Variants in RBM27 observed in about 807,000 individuals in gnomAD.
RBM27 encodes RNA binding motif protein 27.
In RBM27, 22 loss-of-function variants were observed where a neutral mutation model predicts 135.3. The observed-to-expected ratio is 0.16, with a 90% CI of 0.12 to 0.23. RBM27 has a LOEUF of 0.23. Among genes scored for constraint, RBM27 ranks in the 10% least tolerant of loss-of-function variants. RBM27 has a pLI of 1.00. For missense variants in RBM27, 1,009 were observed against 1,281.0 expected (o/e 0.79, Z 3.24); for synonymous variants, 481 against 442.4 (o/e 1.09, Z -1.10).
At chr5:146,239,074 C>A (rs113581630) in intron 8 of RBM27, among the ~76,000 whole-genome samples, 7 of 152,302 alleles carry the variant, frequency 4.6e-5, no homozygotes, top group African/African-American at 1.7e-4. Context: ...CTTCTTAAAT[C>A]TGTACCTTCT....
intron 19 of RBM27, among the ~76,000 whole-genome samples, chr5:146,281,928 A>G (rs1759369405): frequency 6.6e-6 from 1 of 151,480 alleles, no homozygotes; most frequent in Admixed American, 6.6e-5. Context: ...TCATGTTTTT[A>G]CATGTAACAT....
At chr5:146,210,680 G>A (rs1280592613) in intron 1 of RBM27, among the ~76,000 whole-genome samples, 1 of 152,232 alleles carries the variant, frequency 6.6e-6, no homozygotes, top group African/African-American at 2.4e-5. Context: ...GGGCACGGTG[G>A]CTCATGCCTG....
chr5:146,230,588 T>C (rs1331092458), intron 5 of RBM27, 69 bp from the exon 6 acceptor site: 7 of 1,486,484 alleles, frequency 4.7e-6, no homozygotes, highest in Non-Finnish European at 4.6e-6. Flanking sequence ...TGTGAGAAAA[T>C]AAATATAGTT....
intron 18 of RBM27, 104 bp downstream of exon 18, chr5:146,271,162 A>C: frequency 1.3e-6 from 1 of 788,720 alleles, no homozygotes. Flanking sequence ...GCACTTTGGG[A>C]GGCCGAGGCG....
chr5:146,271,414 A>G (rs1035032889), intron 18 of RBM27, 69 bp from the exon 19 acceptor site: 1 of 1,407,040 alleles, frequency 7.1e-7, no homozygotes, highest in Non-Finnish European at 9.6e-7. Flanking sequence ...AAAAAAAAAA[A>G]AGTTTTCCTT....
intron 1 of RBM27, among the ~76,000 whole-genome samples, chr5:146,217,667 T>A (rs939504477): frequency 6.6e-6 from 1 of 151,836 alleles, no homozygotes; most frequent in Non-Finnish European, 1.5e-5. Flanking sequence ...ACAAGATTAG[T>A]TAGATTTGAA....
chr5:146,260,681 G>C, intron 11 of RBM27, 64 bp from the exon 12 acceptor site: 1 of 1,401,726 alleles, frequency 7.1e-7, no homozygotes, highest in South Asian at 1.5e-5. Context: ...ATTCTTTGTG[G>C]TTATATCTCT....
intron 14 of RBM27, 37 bp downstream of exon 14, chr5:146,263,668 C>G (rs769697274): frequency 1.9e-6 from 3 of 1,602,450 alleles, no homozygotes; most frequent in East Asian, 4.5e-5. Context: ...TATTTAGAAT[C>G]ATTCAGTGAA....
At chr5:146,250,988 G>C (rs186614672) in intron 8 of RBM27, among the ~76,000 whole-genome samples, 1 of 151,784 alleles carries the variant, frequency 6.6e-6, no homozygotes, top group East Asian at 1.9e-4. Flanking sequence ...TCTTGGCCAG[G>C]CTGGTCTTGA....
At chr5:146,218,379 G>A (rs1318020825) in intron 1 of RBM27, among the ~76,000 whole-genome samples, 1 of 152,126 alleles carries the variant, frequency 6.6e-6, no homozygotes, top group Non-Finnish European at 1.5e-5. Flanking sequence ...TTTCCTTTCT[G>A]TTTCTAACTC....
intron 16 of RBM27, 52 bp downstream of exon 16, chr5:146,269,333 T>G: frequency 6.7e-7 from 1 of 1,501,844 alleles, no homozygotes; most frequent in Non-Finnish European, 9.1e-7. Flanking sequence ...TAGAATTGAT[T>G]TTAAAAGTAT....
chr5:146,211,786 A>G (rs962318234), intron 1 of RBM27, among the ~76,000 whole-genome samples: 6 of 152,194 alleles, frequency 3.9e-5, no homozygotes, highest in East Asian at 1.9e-4. Flanking sequence ...CAAAGGGATA[A>G]TCTGAACACA....
At chr5:146,244,744 T>TTGCCGAGGC (rs1378547890) in intron 8 of RBM27, among the ~76,000 whole-genome samples, 4 of 151,696 alleles carry the variant, frequency 2.6e-5, no homozygotes, top group Admixed American at 6.6e-5. Context: ...TCTTTCTGTA[T>TTGCCGAGGC]TGCCGAGGCT....
At chr5:146,206,292 T>C (rs1755643540) in intron 1 of RBM27, among the ~76,000 whole-genome samples, 1 of 150,734 alleles carries the variant, frequency 6.6e-6, no homozygotes. Context: ...GAGTAGTGCT[T>C]TTCGTTTTTT....
In RBM27 at chr5:146,223,395, C is replaced by T. The variant is rs746170914; in HGVS notation, c.179-8C>T. Reference sequence around the variant, plus strand: ...GCGCAATATGTAAATGTTATTTCTTCTCCTTAGAAACTTCAGGTTTTGTGG... The same window carrying T: ...GCGCAATATGTAAATGTTATTTCTTTTCCTTAGAAACTTCAGGTTTTGTGG... On this transcript the variant is annotated splice_region_variant and splice_polypyrimidine_tract_variant and intron_variant, in intron 2 of 20. Coordinates refer to ENST00000265271, the MANE Select transcript of RBM27 (RefSeq NM_018989.2). 1.9e-6 allele frequency: 3 copies of T among 1,571,394 alleles called. No individual in the cohort carries two copies. Among genetic ancestry groups the T allele is most frequent in the Non-Finnish European group, 8.6e-7 (1 of 1,167,380 alleles).
At chr5:146,206,562 G>A (rs1319500107) in intron 1 of RBM27, among the ~76,000 whole-genome samples, 1 of 149,466 alleles carries the variant, frequency 6.7e-6, no homozygotes, top group Non-Finnish European at 1.5e-5. Context: ...AAAAAAAAAG[G>A]CTAAAATACT....
chr5:146,238,101 G>T (rs1321545397), intron 8 of RBM27, among the ~76,000 whole-genome samples: 3 of 152,072 alleles, frequency 2.0e-5, no homozygotes, highest in African/African-American at 7.2e-5. Context: ...ACAAAAGAGC[G>T]GGTTAATTAT....
rs1371134206 is a variant in RBM27 at position 146,251,766 on chromosome 5, G to A, written c.1335G>A (p.Leu445=). The A allele has an allele frequency of 1.9e-6, 3 of 1,613,320 alleles. No individual in the cohort carries two copies. The highest frequency in any genetic ancestry group is 2.5e-6 in the Non-Finnish European group (3 of 1,179,312). Residue 445 remains leucine, a synonymous_variant, in exon 9 of 21, where the codon TTG becomes TTA. Coordinates refer to ENST00000265271, the MANE Select transcript of RBM27 (RefSeq NM_018989.2). Reference sequence around the variant, plus strand: ...CTGCTGCATCTGAGCGACTTCAGTTGGGGACACCGCCTCCTCTGTTGGCAG... The same window carrying A: ...CTGCTGCATCTGAGCGACTTCAGTTAGGGACACCGCCTCCTCTGTTGGCAG... ...HGAAASERLQ[L]GTPPPLLAAR...
chr5:146,255,357 A>G (rs1336774592), intron 10 of RBM27, among the ~76,000 whole-genome samples: 1 of 152,164 alleles, frequency 6.6e-6, no homozygotes, highest in Non-Finnish European at 1.5e-5. Flanking sequence ...GTAGGACTTT[A>G]GGCTGTTTTA....
Sources: gnomAD v4.1 joint callset for allele counts (sites outside exome capture counted in the v4.1 genomes callset) on GRCh38, gnomAD v4.1.1 for gene constraint, MANE v1.5 for transcripts, NCBI Gene and HGNC (gene_info 2026-07-23, HGNC 2026-07-21) for gene names.